PDE1A: variants seen among roughly 807,000 people sequenced by gnomAD.
PDE1A encodes phosphodiesterase 1A.
PDE1A carries 35 observed loss-of-function variants against 61.7 expected under a neutral mutation model. The observed-to-expected ratio is 0.57, with a 90% confidence interval of 0.43 to 0.75. PDE1A has a LOEUF of 0.75. Ranked by LOEUF, PDE1A falls within the 30% of genes least tolerant of loss-of-function variation. The probability of loss-of-function intolerance (pLI) is 0.00; values close to 1 mark genes in which losing one functional copy is unlikely to be tolerated. For missense variants in PDE1A, 597 were observed against 630.6 expected (o/e 0.95, Z 0.57); for synonymous variants, 232 against 213.2 (o/e 1.09, Z -0.77).
At chr2:182,562,732 A>C in the PDE1A span, among the ~76,000 whole-genome samples, 5 of 152,018 alleles carry the variant, frequency 3.3e-5, no homozygotes, top group South Asian at 2.1e-4. Flanking sequence ...ACAATTTCAG[A>C]GCCTGTTATT....
At chr2:182,710,786 T>G in the PDE1A span, among the ~76,000 whole-genome samples, 1 of 152,248 alleles carries the variant, frequency 6.6e-6, no homozygotes, top group Non-Finnish European at 1.5e-5. Context: ...CTTCATACCT[T>G]GGCTCTTGTG....
At chr2:182,668,558 C>T in the PDE1A span, among the ~76,000 whole-genome samples, 2 of 151,956 alleles carry the variant, frequency 1.3e-5, no homozygotes, top group African/African-American at 2.4e-5. Flanking sequence ...AGGTTTGAGC[C>T]CAAACTGAGG....
At chr2:182,640,167 G>C in the PDE1A span, among the ~76,000 whole-genome samples, 1 of 152,196 alleles carries the variant, frequency 6.6e-6, no homozygotes, top group South Asian at 2.1e-4. Context: ...TGTTATTCAA[G>C]TGTGAAGGTT....
At chr2:182,212,132 T>C (rs1687660358) in intron 7 of PDE1A, among the ~76,000 whole-genome samples, 1 of 152,048 alleles carries the variant, frequency 6.6e-6, no homozygotes, top group Non-Finnish European at 1.5e-5. Flanking sequence ...ATGATGTTAG[T>C]TGTAGGTTTT....
chr2:182,707,125 C>A, the PDE1A span, among the ~76,000 whole-genome samples: 4 of 152,120 alleles, frequency 2.6e-5, no homozygotes, highest in African/African-American at 9.7e-5. Flanking sequence ...AATAAAAACA[C>A]AAGCATCAGG....
chr2:182,208,581 C>T (rs559706729), intron 7 of PDE1A, among the ~76,000 whole-genome samples: 7 of 152,236 alleles, frequency 4.6e-5, no homozygotes, highest in South Asian at 4.2e-4. Flanking sequence ...GTAAATCTAC[C>T]GACAGCTTGC....
At chr2:182,419,060 C>T (rs1231555335) in intron 1 of PDE1A, among the ~76,000 whole-genome samples, 2 of 144,348 alleles carry the variant, frequency 1.4e-5, no homozygotes, top group East Asian at 3.9e-4. Context: ...GTTCCAGTTC[C>T]ACTAAAAGAG....
chr2:182,203,274 T>A (rs1029184734), intron 8 of PDE1A, among the ~76,000 whole-genome samples: 3 of 152,026 alleles, frequency 2.0e-5, no homozygotes, highest in African/African-American at 7.3e-5. Context: ...GAGCCGAGAT[T>A]GCACCACTGC....
chr2:182,588,254 C>G, the PDE1A span, among the ~76,000 whole-genome samples: 12 of 152,300 alleles, frequency 7.9e-5, no homozygotes, highest in African/African-American at 2.2e-4. Context: ...TTGAGCTTCT[C>G]TCTCCAGTTT....
intron 2 of PDE1A, among the ~76,000 whole-genome samples, chr2:182,245,962 C>A (rs577781072): frequency 9.8e-5 from 15 of 152,340 alleles, no homozygotes; most frequent in Non-Finnish European, 1.8e-4. Context: ...GCCAAGCTGC[C>A]ATCATCTCTT....
intron 2 of PDE1A, among the ~76,000 whole-genome samples, chr2:182,472,468 A>G (rs1405511202): frequency 6.6e-6 from 1 of 151,974 alleles, no homozygotes. Context: ...ACAAAGACAA[A>G]TACTAAACGT....
rs189906685 is a variant in PDE1A at position 182,312,328 on chromosome 2, A to G, written c.54-47914T>C. Among the ~76,000 whole-genome samples the G allele has an allele frequency of 8.5e-3, 1,292 of 152,028 alleles. 20 individuals are homozygous for G. The highest frequency in any genetic ancestry group is 0.067 in the South Asian group (324 of 4,816). On this transcript the variant is annotated intron_variant, in intron 1 of 13. Transcript: ENST00000351439. The stretch of plus-strand genomic sequence containing the variant: ...TAATGAAGTCCATCATGTTTTTTTA[A>G]TTTTGTAGATTATATGTTTTGTGTT...
intron 7 of PDE1A, among the ~76,000 whole-genome samples, chr2:182,219,402 T>C (rs931131761): frequency 2.6e-5 from 4 of 152,062 alleles, no homozygotes; most frequent in African/African-American, 9.7e-5. Context: ...GAACCTGGGC[T>C]TGTCCTTCCT....
chr2:182,252,297 A>AT (rs1691457389), intron 2 of PDE1A, among the ~76,000 whole-genome samples: 1 of 151,850 alleles, frequency 6.6e-6, no homozygotes, highest in African/African-American at 2.4e-5. Context: ...AGAAAAAGAT[A>AT]TTTTTCATGT....
chr2:182,465,018 C>T (rs567203655), intron 2 of PDE1A, among the ~76,000 whole-genome samples: 9 of 152,084 alleles, frequency 5.9e-5, no homozygotes, highest in Admixed American at 2.0e-4. Flanking sequence ...TAAAATACAA[C>T]AATATTAAAA....
chr2:182,607,466 C>G, the PDE1A span, among the ~76,000 whole-genome samples: 1 of 152,072 alleles, frequency 6.6e-6, no homozygotes, highest in Non-Finnish European at 1.5e-5. Context: ...GGATTGGTTC[C>G]AGAACCCCCG....
intron 2 of PDE1A, among the ~76,000 whole-genome samples, chr2:182,462,867 T>C (rs1322592688): frequency 6.6e-6 from 1 of 152,182 alleles, no homozygotes; most frequent in Non-Finnish European, 1.5e-5. Flanking sequence ...TCACAATCTG[T>C]TTTATGAGTT....
chr2:182,658,095 T>G, the PDE1A span, among the ~76,000 whole-genome samples: 1 of 146,734 alleles, frequency 6.8e-6, no homozygotes, highest in African/African-American at 2.5e-5. Flanking sequence ...TCTTCCTGCC[T>G]TTCCTCCTGT....
intron 1 of PDE1A, among the ~76,000 whole-genome samples, chr2:182,376,120 T>C (rs1700389326): frequency 6.6e-6 from 1 of 152,216 alleles, no homozygotes; most frequent in Admixed American, 6.5e-5. Flanking sequence ...ATTTTCCCCA[T>C]TGTCTTGGGG....
Sources: allele counts gnomAD v4.1 joint callset (sites outside exome capture counted in the v4.1 genomes callset), GRCh38; gene constraint gnomAD v4.1.1; transcripts MANE v1.5; gene names NCBI Gene and HGNC (gene_info 2026-07-23, HGNC 2026-07-21).